Variants in DHX33 observed in about 807,000 individuals in gnomAD.
The protein encoded by DHX33 is ATP-dependent RNA helicase DHX33.
A neutral mutation model predicts 72.5 loss-of-function variants in DHX33; 42 were observed. That is an observed-to-expected ratio of 0.58 (90% CI 0.45 to 0.75). The LOEUF (loss-of-function observed/expected upper bound fraction) is 0.75, where lower values mean the gene tolerates loss of function less well. Among genes scored for constraint, DHX33 ranks in the 30% least tolerant of loss-of-function variants. The pLI is 0.00. For synonymous variants in DHX33, 358 were observed against 366.1 expected (o/e 0.98, Z 0.25); for missense variants, 842 against 917.5 (o/e 0.92, Z 1.06).
At position 5,450,217 on chromosome 17, in the gene DHX33, G is replaced by C; in HGVS notation, c.1714C>G (p.Leu572Val). 7 of 1,614,218 alleles carry C rather than the reference G, an allele frequency of 4.3e-6. No homozygotes were observed. Among genetic ancestry groups the C allele is most frequent in the Non-Finnish European group, 5.9e-6 (7 of 1,180,048 alleles). ...LLNIYRTFKNLGGNKDWCKEN... is the reference protein window; with the variant it reads ...LLNIYRTFKNVGGNKDWCKEN... ...ACAAGGCTCACCTTATTTCCGCCTA[G>C]GTTTTTGAAGGTCCGATAGATATTG... The change falls in exon 10 of 12, where the codon CTA becomes GTA. Residue 572 changes from leucine (L) to valine (V), a missense_variant. Coordinates refer to ENST00000225296, the MANE Select transcript of DHX33 (RefSeq NM_020162.4).
intron 11 of DHX33, among the ~76,000 whole-genome samples, chr17:5,445,617 C>T (rs1916629690): frequency 6.6e-6 from 1 of 152,234 alleles, no homozygotes; most frequent in Admixed American, 6.5e-5. Context: ...TACACACACG[C>T]TGGACCTAAG....
At chr17:5,457,052 T>C (rs1239922952) in intron 4 of DHX33, among the ~76,000 whole-genome samples, 1 of 152,180 alleles carries the variant, frequency 6.6e-6, no homozygotes, top group Non-Finnish European at 1.5e-5. Context: ...TGATGTAAAG[T>C]GCTTAACACT....
At chr17:5,453,758 C>T (rs1358506897) in intron 7 of DHX33, 63 bp downstream of exon 7, 5 of 1,612,570 alleles carry the variant, frequency 3.1e-6, no homozygotes, top group Non-Finnish European at 4.2e-6. Context: ...AAAACTGCAG[C>T]TCTGGGCAAG....
At chr17:5,451,197 C>G (rs895245683) in intron 8 of DHX33, among the ~76,000 whole-genome samples, 2 of 152,198 alleles carry the variant, frequency 1.3e-5, no homozygotes, top group African/African-American at 4.8e-5. Context: ...CCTCTGCCTC[C>G]TGGGTTCCAG....
chr17:5,467,772 C>T (rs1446686062), intron 1 of DHX33, among the ~76,000 whole-genome samples: 1 of 152,152 alleles, frequency 6.6e-6, no homozygotes, highest in Non-Finnish European at 1.5e-5. Context: ...GTGATAAGCC[C>T]CCTCACCCTA....
In DHX33 at chr17:5,468,724, C is replaced by G; in HGVS notation, c.136G>C (p.Gly46Arg). Residue 46 changes from glycine (G) to arginine (R), a missense_variant, in exon 1 of 12, where the codon GGA (glycine) becomes CGA (arginine). Physicochemically the swap from Gly to Arg is moderately radical, Grantham distance 125 (BLOSUM62 -2). Transcript: ENST00000225296. ...LTAGSGGRGG[G>R]GGRRQQPPLA... Reference sequence around the variant, plus strand: ...GGCGGCTGCTGCCTCCGGCCTCCTCCTCCTCCTCTGCCGCCGCTGCCCGCA... The same window carrying G: ...GGCGGCTGCTGCCTCCGGCCTCCTCGTCCTCCTCTGCCGCCGCTGCCCGCA... 1 of 1,611,166 alleles carries G rather than the reference C, an allele frequency of 6.2e-7. No individual in the cohort carries two copies. The highest frequency in any genetic ancestry group is 8.5e-7 in the Non-Finnish European group (1 of 1,179,162).
chr17:5,457,620 A>AC (rs1904383357), intron 4 of DHX33, among the ~76,000 whole-genome samples: 1 of 151,764 alleles, frequency 6.6e-6, no homozygotes, highest in Admixed American at 6.6e-5. Flanking sequence ...AAAAAAAAAA[A>AC]AAAGTGCCTA....
chr17:5,453,207 T>G (rs1259928447), intron 8 of DHX33, among the ~76,000 whole-genome samples: 1 of 152,160 alleles, frequency 6.6e-6, no homozygotes, highest in Non-Finnish European at 1.5e-5. Context: ...GGAACTTTAT[T>G]GATGGTGCTG....
intron 5 of DHX33, among the ~76,000 whole-genome samples, chr17:5,455,669 C>T (rs1051922349): frequency 6.6e-6 from 1 of 152,242 alleles, no homozygotes; most frequent in Admixed American, 6.5e-5. Context: ...GATATAAATG[C>T]TAGCACAGTG....
At chr17:5,462,289 T>C (rs1431705688) in intron 3 of DHX33, 30 bp downstream of exon 3, 5 of 1,598,468 alleles carry the variant, frequency 3.1e-6, no homozygotes, top group Non-Finnish European at 4.3e-6. Flanking sequence ...GAAGTTTCCC[T>C]CATACTTTCA....
chr17:5,468,962 T>A lies in DHX33; in HGVS notation c.-103A>T. On this transcript the variant is annotated 5_prime_UTR_variant, in exon 1 of 12. Coordinates refer to ENST00000225296, the MANE Select transcript of DHX33 (RefSeq NM_020162.4). Reference sequence around the variant, plus strand: ...CCGCCCCTTCCTCGCCGCCACGTGCTGGCGGCTCCCGGCGACCACCGATGA... The same window carrying A: ...CCGCCCCTTCCTCGCCGCCACGTGCAGGCGGCTCCCGGCGACCACCGATGA... The A allele has an allele frequency of 3.0e-6, 3 of 1,012,770 alleles. No individual in the cohort carries two copies. Among genetic ancestry groups the A allele is most frequent in the Non-Finnish European group, 4.3e-6 (3 of 697,108 alleles). 62.7% of individuals were successfully genotyped at this position (1,012,770 alleles called of 1,614,324 possible). A position where few individuals can be genotyped will look rare whatever the true frequency, so the allele number is the denominator to read the frequency against.
At chr17:5,448,979 G>T (rs1916777022) in intron 10 of DHX33, 84 bp from the exon 11 acceptor site, 1 of 1,053,202 alleles carries the variant, frequency 9.5e-7, no homozygotes, top group Non-Finnish European at 1.4e-6. Context: ...CTGTTCCCTA[G>T]GCTGGAGTGC....
chr17:5,451,375 G>C (rs986430542), intron 8 of DHX33, among the ~76,000 whole-genome samples: 1 of 152,114 alleles, frequency 6.6e-6, no homozygotes, highest in African/African-American at 2.4e-5. Context: ...AAAGTGCTAG[G>C]ATTACAGGTG....
chr17:5,464,278 C>T (rs1325784535), intron 1 of DHX33, among the ~76,000 whole-genome samples: 1 of 152,130 alleles, frequency 6.6e-6, no homozygotes, highest in Non-Finnish European at 1.5e-5. Flanking sequence ...TGCAGTGAGC[C>T]ATGATCACAC....
At position 5,444,311 on chromosome 17, in the gene DHX33, T is replaced by G; in HGVS notation, c.2018A>C (p.Tyr673Ser). 1 of 1,614,084 alleles carries G rather than the reference T, an allele frequency of 6.2e-7. No individual in the cohort carries two copies. The change falls in exon 12 of 12, where the codon TAC becomes TCC. Residue 673 changes from tyrosine (Y) to serine (S), a missense_variant. Tyr to Ser is a moderately radical substitution (Grantham distance 144, BLOSUM62 -2). Transcript: ENST00000225296. This position sits in a 1 kb window ranked among gnomAD's most constrained non-coding sequence, Gnocchi z 4.9. Reference protein sequence around the residue: ...PACVVYTELLYTNKCYMRDLC... With the variant: ...PACVVYTELLSTNKCYMRDLC... ...GTCCCGCATGTAGCACTTGTTGGTG[T>G]AGAGCAGCTCAGTGTACACGACGCA...
At position 5,450,893 on chromosome 17, in the gene DHX33, C is replaced by T. The variant is rs1260723382; in HGVS notation, c.1438G>A (p.Ala480Thr). 11 of 1,614,144 alleles carry T rather than the reference C, an allele frequency of 6.8e-6. No individual in the cohort carries two copies. The highest frequency in any genetic ancestry group is 9.3e-6 in the Non-Finnish European group (11 of 1,180,028). The change falls in exon 9 of 12, where the codon GCT (alanine) becomes ACT (threonine). Residue 480 changes from alanine to threonine, a missense_variant. Coordinates refer to ENST00000225296, the MANE Select transcript of DHX33 (RefSeq NM_020162.4). ...AAIAQLDLLG[A>T]LEHKDDQLTL... ...AGCTGGTCATCCTTATGTTCAAGAGCACCTAACAGGTCCAGTTGGGCAATG... is the reference window on the plus strand; with the variant it reads ...AGCTGGTCATCCTTATGTTCAAGAGTACCTAACAGGTCCAGTTGGGCAATG...
chr17:5,452,782 AT>A (rs1419542861), intron 8 of DHX33, among the ~76,000 whole-genome samples: 1 of 152,174 alleles, frequency 6.6e-6, no homozygotes, highest in African/African-American at 2.4e-5. Context: ...ATATGCATAC[AT>A]TTGCTCTAGA....
In DHX33 at chr17:5,450,853, A is replaced by G; in HGVS notation, c.1478T>C (p.Met493Thr). Residue 493 changes from methionine (M) to threonine (T), a missense_variant, in exon 9 of 12, where the codon ATG becomes ACG. By Grantham distance (81) the Met-to-Thr change is moderately conservative. Transcript: ENST00000225296. Reference sequence around the variant, plus strand: ...AGGAAATGCTGCCATCTTTCTTCCCATTGGAGTCAGGGTAAGCTGGTCATC... The same window carrying G: ...AGGAAATGCTGCCATCTTTCTTCCCGTTGGAGTCAGGGTAAGCTGGTCATC... The part of the protein sequence containing the change: ...HKDDQLTLTP[M>T]GRKMAAFPLE... 6.2e-7 allele frequency: 1 copy of G among 1,614,198 alleles called. No individual in the cohort carries two copies. Among genetic ancestry groups the G allele is most frequent in the Non-Finnish European group, 8.5e-7 (1 of 1,180,042 alleles).
intron 9 of DHX33, 32 bp from the exon 10 acceptor site, chr17:5,450,438 CAGCTTTCTCCT>C (rs748487952): frequency 1.6e-5 from 25 of 1,604,208 alleles, no homozygotes; most frequent in Non-Finnish European, 2.0e-5. Context: ...TGTGTAAACC[CAGCTTTCTCCT>C]AGCTTTAGAA....
Sources: gnomAD v4.1 joint callset for allele counts (sites outside exome capture counted in the v4.1 genomes callset) on GRCh38, gnomAD v4.1.1 for gene constraint, Gnocchi (gnomAD v3.1) non-coding constraint, MANE v1.5 for transcripts, NCBI Gene and HGNC (gene_info 2026-07-23, HGNC 2026-07-21) for gene names.